The following NEBL variants were observed in gnomAD, a reference collection of about 807,000 sequenced individuals.
NEBL encodes LIM and SH3 protein 2.
A neutral mutation model predicts 140.2 loss-of-function variants in NEBL; 122 were observed. The observed-to-expected ratio is 0.87, with a 90% CI of 0.75 to 1.01. The LOEUF is 1.01. Among genes scored for constraint, NEBL ranks in the 50% least tolerant of loss-of-function variants. The pLI is 0.00. For missense variants in NEBL, 1,365 were observed against 1,231.3 expected, an observed-to-expected ratio of 1.11 and a Z score of -1.62; for synonymous variants, 436 against 398.9, an observed-to-expected ratio of 1.09 and a Z score of -1.11.
intron 20 of NEBL, chr10:20,818,957 T>C (rs1768928169): frequency 2.1e-6 from 2 of 964,358 alleles, no homozygotes; most frequent in Non-Finnish European, 2.5e-6. Context: ...ATCGTTATTA[T>C]TGCAGTTGTT....
chr10:21,095,051 T>G (rs769694860), intron 2 of NEBL, among the ~76,000 whole-genome samples: 2 of 152,226 alleles, frequency 1.3e-5, no homozygotes, highest in Non-Finnish European at 2.9e-5. Flanking sequence ...GGGAACCACC[T>G]GCATCCCATT....
At chr10:21,182,594 T>A (rs1298398888) in intron 3 of NEBL, among the ~76,000 whole-genome samples, 1 of 152,246 alleles carries the variant, frequency 6.6e-6, no homozygotes, top group East Asian at 1.9e-4. Flanking sequence ...AAAGCCATGA[T>A]GTCCTCAGAA....
chr10:21,207,615 C>T (rs956506591), intron 3 of NEBL, among the ~76,000 whole-genome samples: 2 of 152,034 alleles, frequency 1.3e-5, no homozygotes, highest in African/African-American at 4.8e-5. Flanking sequence ...CCTTGAGCTT[C>T]TGGTTGGGTT....
upstream of NEBL, chr10:20,897,483 C>T (rs1290556083): frequency 5.9e-6 from 7 of 1,179,368 alleles, no homozygotes; most frequent in Admixed American, 8.4e-5. Flanking sequence ...ACATTTTTTC[C>T]ACTGGTTAAG....
At chr10:20,900,732 C>A (rs1446624265), upstream of NEBL, among the ~76,000 whole-genome samples, 6 of 150,842 alleles carry the variant, frequency 4.0e-5, no homozygotes, top group African/African-American at 1.5e-4. Flanking sequence ...GTAATCCCAG[C>A]TACTAGGGAG....
At chr10:21,022,253 C>T (rs73607573) in intron 2 of NEBL, among the ~76,000 whole-genome samples, 7 of 152,134 alleles carry the variant, frequency 4.6e-5, no homozygotes, top group Non-Finnish European at 8.8e-5. Flanking sequence ...CTGGTATCCA[C>T]GTGTGTCTCT....
chr10:20,974,517 G>T (rs1019811222), intron 3 of NEBL, among the ~76,000 whole-genome samples: 21 of 151,858 alleles, frequency 1.4e-4, no homozygotes, highest in Admixed American at 1.2e-3. Flanking sequence ...ACAAAGTGCC[G>T]GAACTATAAG....
chr10:21,156,238 T>C lies in NEBL; in HGVS notation c.164+16145A>G, dbSNP rs187838592. 1.8e-3 allele frequency among the ~76,000 whole-genome samples: 267 copies of C among 152,338 alleles called. 9 individuals carry two copies. Among genetic ancestry groups the C allele is most frequent in the Middle Eastern group, 3.4e-3 (1 of 294 alleles). On this transcript the variant is annotated intron_variant, in intron 2 of 6. Transcript: ENST00000417816. ...CTTTAAAGACCAGGAGAGTTTTCCA[T>C]TTGGCATCTTTTTGGTGTGGTTGTA...
chr10:20,818,009 T>C (rs1838909581), intron 20 of NEBL, among the ~76,000 whole-genome samples: 1 of 152,168 alleles, frequency 6.6e-6, no homozygotes, highest in Non-Finnish European at 1.5e-5. Flanking sequence ...AATGAAGTCA[T>C]TACAAGAGAA....
chr10:21,184,362 G>T (rs1196882112), intron 3 of NEBL, among the ~76,000 whole-genome samples: 1 of 152,218 alleles, frequency 6.6e-6, no homozygotes, highest in African/African-American at 2.4e-5. Flanking sequence ...TTCACTGAAA[G>T]ATCTGGAAAG....
chr10:20,988,522 G>T (rs996430281), intron 3 of NEBL, among the ~76,000 whole-genome samples: 1 of 152,002 alleles, frequency 6.6e-6, no homozygotes, highest in Admixed American at 6.6e-5. Flanking sequence ...CCTCCATTGT[G>T]CAATAAGTCC....
intron 26 of NEBL, among the ~76,000 whole-genome samples, chr10:20,803,812 A>AATATATATATATAT (rs773980585): frequency 1.4e-5 from 2 of 143,566 alleles, no homozygotes; most frequent in Non-Finnish European, 3.1e-5. Flanking sequence ...CTGTACGAAA[A>AATATATATATATAT]ATATATATAT....
intron 4 of NEBL, among the ~76,000 whole-genome samples, chr10:20,924,438 AG>A (rs1554807407): frequency 6.8e-6 from 1 of 147,436 alleles, no homozygotes; most frequent in Non-Finnish European, 1.5e-5. Flanking sequence ...AAAAAAAAAA[AG>A]GCTACACCTT....
At chr10:20,901,183 CT>C (rs541098223), upstream of NEBL, among the ~76,000 whole-genome samples, 126 of 152,248 alleles carry the variant, frequency 8.3e-4, 2 homozygotes, top group African/African-American at 3.0e-3. Flanking sequence ...CAAGAAGGGC[CT>C]TCTGCAACTA....
At chr10:21,093,006 G>C (rs1157550967) in intron 2 of NEBL, among the ~76,000 whole-genome samples, 2 of 152,102 alleles carry the variant, frequency 1.3e-5, no homozygotes, top group African/African-American at 4.8e-5. Context: ...TGTGGGAACA[G>C]TTTATGACAA....
chr10:20,811,579 C>A (rs1838144761), intron 24 of NEBL, among the ~76,000 whole-genome samples: 1 of 152,192 alleles, frequency 6.6e-6, no homozygotes, highest in African/African-American at 2.4e-5. Flanking sequence ...TGTTTGGAAT[C>A]CTTCTTCAGA....
In NEBL at chr10:20,840,849, T is replaced by C. The variant is rs1446583500; in HGVS notation, c.1228A>G (p.Lys410Glu). 1 of 1,507,468 alleles carries C rather than the reference T, an allele frequency of 6.6e-7. No homozygotes were observed. The highest frequency in any genetic ancestry group is 1.7e-5 in the Admixed American group (1 of 59,394). The allele number at this position is 1,507,468 out of a possible 1,614,324, so 93.4% of individuals were successfully genotyped here. A position where few individuals can be genotyped will look rare whatever the true frequency, so the allele number is the denominator to read the frequency against. ...TTTTCCAAATCTTTTTTATATTCTT[T>C]CTATGAGACAAGAATATCACAGTTC... ...VKYITNLLRE[K>E]EYKKDLENEI... The change falls in exon 13 of 28, where the codon AAA becomes GAA. Residue 410 changes from lysine to glutamate, a missense_variant and splice_region_variant. Physicochemically the swap from Lys to Glu is moderately conservative, Grantham distance 56. Coordinates refer to ENST00000377122, the MANE Select transcript of NEBL (RefSeq NM_006393.3).
chr10:21,040,595 A>C (rs1448807470), intron 2 of NEBL, among the ~76,000 whole-genome samples: 2 of 152,188 alleles, frequency 1.3e-5, no homozygotes, highest in East Asian at 3.8e-4. Context: ...GAGGACACAA[A>C]GCCATTCATG....
At chr10:21,128,947 C>G (rs903804667) in intron 2 of NEBL, among the ~76,000 whole-genome samples, 1 of 152,134 alleles carries the variant, frequency 6.6e-6, no homozygotes, top group Non-Finnish European at 1.5e-5. Context: ...TGCATATAAA[C>G]TAGAAACAAC....
Sources: gnomAD v4.1 joint callset for allele counts (sites outside exome capture counted in the v4.1 genomes callset) on GRCh38, gnomAD v4.1.1 for gene constraint, MANE v1.5 for transcripts, NCBI Gene and HGNC (gene_info 2026-07-23, HGNC 2026-07-21) for gene names.